ERC2: variants seen among roughly 807,000 people sequenced by gnomAD.
ERC2 encodes the protein ELKS/RAB6-interacting/CAST family member 2.
In ERC2, 42 loss-of-function variants were observed where a neutral mutation model predicts 114.8. The observed-to-expected ratio is 0.37, with a 90% CI of 0.29 to 0.47. ERC2 has a LOEUF of 0.47. Among genes scored for constraint, ERC2 ranks in the 20% least tolerant of loss-of-function variants. The pLI is 0.99. For synonymous variants in ERC2, 454 were observed against 425.5 expected (o/e 1.07, Z -0.82); for missense variants, 939 against 1,150.7 (o/e 0.82, Z 2.66).
At chr3:55,935,500 AATG>A (rs1369107684) in intron 13 of ERC2, among the ~76,000 whole-genome samples, 14 of 152,214 alleles carry the variant, frequency 9.2e-5, no homozygotes, top group African/African-American at 3.4e-4. Context: ...TCAATTAGAC[AATG>A]AACAAACTCT....
At chr3:55,692,516 C>T (rs1292624765) in intron 16 of ERC2, among the ~76,000 whole-genome samples, 1 of 152,168 alleles carries the variant, frequency 6.6e-6, no homozygotes, top group East Asian at 1.9e-4. Flanking sequence ...TTATAGGATG[C>T]TGACTAATTC....
chr3:55,833,951 G>C (rs2060744404), intron 14 of ERC2, among the ~76,000 whole-genome samples: 1 of 151,544 alleles, frequency 6.6e-6, no homozygotes, highest in South Asian at 2.1e-4. Context: ...AAAGGCAGGG[G>C]TTGCAATCCT....
At chr3:55,538,687 G>A (rs1304117977) in intron 17 of ERC2, among the ~76,000 whole-genome samples, 4 of 152,146 alleles carry the variant, frequency 2.6e-5, no homozygotes, top group Non-Finnish European at 5.9e-5. Context: ...TAAAGACAAG[G>A]TAAATCCCTC....
chr3:55,753,731 G>T (rs955363725), intron 14 of ERC2, among the ~76,000 whole-genome samples: 3 of 152,216 alleles, frequency 2.0e-5, no homozygotes, highest in Non-Finnish European at 4.4e-5. Context: ...TCCTTTTCCA[G>T]TGGTTCATTG....
At chr3:56,012,702 A>G (rs1000315173) in intron 8 of ERC2, among the ~76,000 whole-genome samples, 2 of 152,226 alleles carry the variant, frequency 1.3e-5, no homozygotes, top group Non-Finnish European at 2.9e-5. Context: ...AACAAGCACT[A>G]TAATGTTTTT....
At chr3:55,979,776 CAAAA>C (rs763879098) in intron 12 of ERC2, among the ~76,000 whole-genome samples, 1 of 124,044 alleles carries the variant, frequency 8.1e-6, no homozygotes. Context: ...CCCACCTCTG[CAAAA>C]AAAAAAAAAA....
chr3:55,954,061 GA>G (rs1469654844), intron 12 of ERC2, among the ~76,000 whole-genome samples: 2 of 113,886 alleles, frequency 1.8e-5, no homozygotes, highest in Non-Finnish European at 3.3e-5. Flanking sequence ...CTCTGCAAGA[GA>G]CTGACTTGCT....
chr3:55,753,325 G>A (rs1237708998), intron 14 of ERC2, among the ~76,000 whole-genome samples: 1 of 152,154 alleles, frequency 6.6e-6, no homozygotes, highest in Non-Finnish European at 1.5e-5. Context: ...CCTTTGACAA[G>A]TCACTTGACT....
chr3:55,540,568 G>T (rs2054325430), intron 17 of ERC2, among the ~76,000 whole-genome samples: 2 of 152,166 alleles, frequency 1.3e-5, no homozygotes, highest in Admixed American at 1.3e-4. Context: ...TCTGAGCTCA[G>T]GATGGTGCCT....
At chr3:56,439,798 T>C (rs560996901) in intron 1 of ERC2, among the ~76,000 whole-genome samples, 2 of 152,270 alleles carry the variant, frequency 1.3e-5, no homozygotes, top group East Asian at 3.9e-4. Flanking sequence ...TAATCACATT[T>C]CCTAATGAAT....
intron 17 of ERC2, among the ~76,000 whole-genome samples, chr3:55,637,178 T>C (rs960930641): frequency 6.6e-5 from 10 of 152,204 alleles, no homozygotes; most frequent in Admixed American, 2.6e-4. Flanking sequence ...CTTCTTTTCT[T>C]TCTCAAACCA....
chr3:55,704,880 G>C (rs1312267547), intron 15 of ERC2, among the ~76,000 whole-genome samples: 1 of 152,224 alleles, frequency 6.6e-6, no homozygotes, highest in Non-Finnish European at 1.5e-5. Context: ...GAATAATTAT[G>C]TGCCAGGCTA....
At chr3:55,706,377 T>G (rs1424788895) in intron 15 of ERC2, among the ~76,000 whole-genome samples, 1 of 32,962 alleles carries the variant, frequency 3.0e-5, no homozygotes, top group Non-Finnish European at 1.0e-4. Flanking sequence ...TTTGTTTCTG[T>G]TTTTTTTTGT....
chr3:56,259,161 G>A lies in ERC2; in HGVS notation c.1074+36858C>T, dbSNP rs139836998. ...CTAATTTTGTATTTTTAGCAGAGACGGGGTTTCTCCATGTTGATCAGGCTG... is the reference window on the plus strand; with the variant it reads ...CTAATTTTGTATTTTTAGCAGAGACAGGGTTTCTCCATGTTGATCAGGCTG... On this transcript the variant is annotated intron_variant, in intron 3 of 17. Coordinates refer to ENST00000288221, the MANE Select transcript of ERC2 (RefSeq NM_015576.3). 9.1e-3 allele frequency among the ~76,000 whole-genome samples: 1,382 copies of A among 151,904 alleles called. 16 individuals carry two copies. The highest frequency in any genetic ancestry group is 0.031 in the African/African-American group (1,264 of 41,408).
intron 2 of ERC2, among the ~76,000 whole-genome samples, chr3:56,375,270 T>A (rs950523245): frequency 6.6e-6 from 1 of 152,160 alleles, no homozygotes; most frequent in Non-Finnish European, 1.5e-5. Flanking sequence ...GGAAATTAGA[T>A]ACAGTGAACC....
intron 14 of ERC2, among the ~76,000 whole-genome samples, chr3:55,882,025 T>C (rs889191872): frequency 2.0e-5 from 3 of 152,202 alleles, no homozygotes; most frequent in East Asian, 1.9e-4. Context: ...GTTTGAATAT[T>C]TGTCCCCTCC....
chr3:55,931,053 T>C (rs143222660), intron 13 of ERC2, among the ~76,000 whole-genome samples: 9 of 152,308 alleles, frequency 5.9e-5, no homozygotes, highest in African/African-American at 2.2e-4. Context: ...CACAATGAGA[T>C]AACATCTCAT....
At chr3:55,982,715 A>G (rs2070256865) in intron 12 of ERC2, among the ~76,000 whole-genome samples, 1 of 152,194 alleles carries the variant, frequency 6.6e-6, no homozygotes, top group Admixed American at 6.5e-5. Flanking sequence ...CACTCACTAT[A>G]TATTTGTGGA....
At chr3:55,777,263 G>A (rs996723626) in intron 14 of ERC2, among the ~76,000 whole-genome samples, 1 of 148,590 alleles carries the variant, frequency 6.7e-6, no homozygotes, top group Non-Finnish European at 1.5e-5. Flanking sequence ...GTAGCATCAG[G>A]TTCTGGGGTA....
Sources: allele counts gnomAD v4.1 joint callset (sites outside exome capture counted in the v4.1 genomes callset), GRCh38; gene constraint gnomAD v4.1.1; transcripts MANE v1.5; gene names NCBI Gene and HGNC (gene_info 2026-07-23, HGNC 2026-07-21).